The following MBIP variants were observed in gnomAD, a reference collection of about 807,000 sequenced individuals.
The protein encoded by MBIP is MAP3K12 binding inhibitory protein 1.
A neutral mutation model predicts 45.7 loss-of-function variants in MBIP; 32 were observed. The observed-to-expected ratio is 0.70, with a 90% CI of 0.53 to 0.94. The LOEUF (loss-of-function observed/expected upper bound fraction) is 0.94. MBIP is among the 40% of genes least tolerant of loss of function. The probability of loss-of-function intolerance (pLI) is 0.00; values close to 1 mark genes in which losing one functional copy is unlikely to be tolerated. For synonymous variants in MBIP, 145 were observed against 141.0 expected, an observed-to-expected ratio of 1.03 and a Z score of -0.20; for missense variants, 381 against 405.5, an observed-to-expected ratio of 0.94 and a Z score of 0.52.
rs774272761 is a variant in MBIP at position 36,311,624 on chromosome 14, C to A, written c.739G>T (p.Ala247Ser). ...NSMLRDCGNQAVEERLQNIEA... is the reference protein window; with the variant it reads ...NSMLRDCGNQSVEERLQNIEA... ...ATATTTTGTAGTCGTTCTTCTACAG[C>A]CTGATTACCACAGTCTCGAAGCATG... Residue 247 changes from alanine (A) to serine (S), a missense_variant, in exon 6 of 9, where the codon GCT becomes TCT. Transcript: ENST00000416007. 6.2e-6 allele frequency: 10 copies of A among 1,613,498 alleles called. No homozygotes were observed. The highest frequency in any genetic ancestry group is 8.5e-6 in the Non-Finnish European group (10 of 1,179,572).
intron 7 of MBIP, among the ~76,000 whole-genome samples, chr14:36,303,705 C>T (rs1437210406): frequency 6.6e-6 from 1 of 152,110 alleles, no homozygotes; most frequent in Admixed American, 6.5e-5. Context: ...TGCACACACA[C>T]ATATGAATCC....
At chr14:36,305,539 C>T (rs1308365338) in intron 7 of MBIP, among the ~76,000 whole-genome samples, 1 of 152,188 alleles carries the variant, frequency 6.6e-6, no homozygotes, top group Middle Eastern at 3.4e-3. Context: ...ATATGCCAAT[C>T]CTCTGTTTAC....
In MBIP at chr14:36,298,903, T is replaced by C. The variant is rs1004916622; in HGVS notation, c.*180A>G. The C allele has an allele frequency of 1.1e-5, 5 of 454,964 alleles. No individual in the cohort carries two copies. Among genetic ancestry groups the C allele is most frequent in the Non-Finnish European group, 1.6e-5 (4 of 255,590 alleles). The allele number at this position is 454,964 out of a possible 1,614,324, so 28.2% of individuals were successfully genotyped here. A position where few individuals can be genotyped will look rare whatever the true frequency, so the allele number is the denominator to read the frequency against. ...AACAATGCTATTTTCAATGCATTCA[T>C]TATTTCAAAACTTACTGGAATATTT... is the stretch of plus-strand genomic sequence containing the variant. On this transcript the variant is annotated 3_prime_UTR_variant, in exon 9 of 9. Coordinates refer to ENST00000416007, the MANE Select transcript of MBIP (RefSeq NM_016586.3).
intron 1 of MBIP, 56 bp from the exon 2 acceptor site, chr14:36,316,868 T>C (rs1880607109): frequency 3.3e-6 from 5 of 1,530,286 alleles, no homozygotes; most frequent in South Asian, 2.5e-5. Context: ...GCTCTACATA[T>C]GGAATTGTCA....
chr14:36,308,633 A>T (rs566713799), intron 6 of MBIP, among the ~76,000 whole-genome samples: 1 of 152,220 alleles, frequency 6.6e-6, no homozygotes, highest in African/African-American at 2.4e-5. Flanking sequence ...CTTTGACCTA[A>T]AAGAATGTAA....
In MBIP at chr14:36,313,298, A is replaced by C. The variant is rs1880327932; in HGVS notation, c.571+1214T>G. 3 of 152,152 alleles carry C rather than the reference A, an allele frequency of 2.0e-5. No homozygotes were observed. The South Asian group carries it at 6.2e-4, about 32-fold the overall frequency. 9.4% of individuals were successfully genotyped at this position (152,152 alleles called of 1,614,324 possible). A position where few individuals can be genotyped will look rare whatever the true frequency, so the allele number is the denominator to read the frequency against. The stretch of plus-strand genomic sequence containing the variant: ...CATATAGATTAACTGACCATCAGTG[A>C]GAAATTCAGCATGGTGTGAGTGTAT... On this transcript the variant is annotated intron_variant, in intron 4 of 8. Transcript: ENST00000416007.
intron 2 of MBIP, among the ~76,000 whole-genome samples, chr14:36,315,262 G>A (rs1164617373): frequency 1.3e-5 from 2 of 152,010 alleles, no homozygotes; most frequent in Non-Finnish European, 2.9e-5. Context: ...TTCAGCCTCT[G>A]GCACCAATGC....
intron 6 of MBIP, among the ~76,000 whole-genome samples, chr14:36,309,058 A>G (rs371453378): frequency 1.3e-5 from 2 of 152,202 alleles, no homozygotes; most frequent in African/African-American, 4.8e-5. Flanking sequence ...CTATGCCCAC[A>G]TGGTTCCAGC....
At chr14:36,316,317 A>G (rs1880563553) in intron 2 of MBIP, among the ~76,000 whole-genome samples, 1 of 152,130 alleles carries the variant, frequency 6.6e-6, no homozygotes, top group Non-Finnish European at 1.5e-5. Context: ...TTCTTGAACC[A>G]CTGAAAGCAC....
At chr14:36,305,056 T>C (rs974886657) in intron 7 of MBIP, 1 of 152,254 alleles carries the variant, frequency 6.6e-6, no homozygotes, top group Admixed American at 6.5e-5. Flanking sequence ...CTGTATACTT[T>C]TGAGGGATAA....
chr14:36,307,851 A>G (rs1879973238), intron 7 of MBIP, among the ~76,000 whole-genome samples: 1 of 152,208 alleles, frequency 6.6e-6, no homozygotes, highest in Non-Finnish European at 1.5e-5. Context: ...AAATGGCCTA[A>G]GTTTGAGAAT....
Position 36,308,183 on chromosome 14 carries a change from G to A in MBIP, c.797C>T (p.Pro266Leu). Residue 266 changes from proline (P) to leucine (L), a missense_variant, in exon 7 of 9, where the codon CCA becomes CTA. Physicochemically the swap from Pro to Leu is moderately conservative, Grantham distance 98. Transcript: ENST00000416007. ...TCTCTGATAAATGTCTCTTGGCACT[G>A]GACCACCTAAATACATTAAAAAAAA... ...EAHLRLQTGGPVPRDIYQRIK... is the reference protein window; with the variant it reads ...EAHLRLQTGGLVPRDIYQRIK... 1 of 1,561,728 alleles carries A rather than the reference G, an allele frequency of 6.4e-7. No homozygotes were observed. The highest frequency in any genetic ancestry group is 8.8e-7 in the Non-Finnish European group (1 of 1,141,768).
chr14:36,302,209 T>TTGGCCAGGCGTGG (rs1879601381), intron 7 of MBIP, among the ~76,000 whole-genome samples: 1 of 152,136 alleles, frequency 6.6e-6, no homozygotes, highest in Non-Finnish European at 1.5e-5. Context: ...ATAATTGCCC[T>TTGGCCAGGCGTGG]TGGCCAGGCG....
At chr14:36,306,801 TA>T (rs953556667) in intron 7 of MBIP, among the ~76,000 whole-genome samples, 5 of 152,208 alleles carry the variant, frequency 3.3e-5, no homozygotes, top group Non-Finnish European at 4.4e-5. Context: ...TAGACTACTG[TA>T]GGAAAAGTCA....
At chr14:36,320,407 C>G in intron 1 of MBIP, 53 bp downstream of exon 1, 1 of 1,611,556 alleles carries the variant, frequency 6.2e-7, no homozygotes. Flanking sequence ...AAAAGAATGG[C>G]GAGGAGGGAC....
intron 7 of MBIP, among the ~76,000 whole-genome samples, chr14:36,301,188 G>C (rs1327426040): frequency 1.3e-5 from 2 of 152,040 alleles, no homozygotes; most frequent in East Asian, 3.8e-4. Flanking sequence ...TATTGAACAA[G>C]TGAAGTGACA....
chr14:36,300,550 C>T (rs1378440556), intron 8 of MBIP, among the ~76,000 whole-genome samples: 1 of 152,128 alleles, frequency 6.6e-6, no homozygotes, highest in Non-Finnish European at 1.5e-5. Context: ...ATGACACATC[C>T]TTGTACTACT....
At chr14:36,299,997 T>C (rs1477040326) in intron 8 of MBIP, among the ~76,000 whole-genome samples, 60 of 152,142 alleles carry the variant, frequency 3.9e-4, no homozygotes, top group Non-Finnish European at 4.4e-5. Context: ...TTAGTGGTGA[T>C]GGTTGCACAA....
At chr14:36,303,153 TTAA>T (rs1347037532) in intron 7 of MBIP, among the ~76,000 whole-genome samples, 1 of 152,344 alleles carries the variant, frequency 6.6e-6, no homozygotes, top group African/African-American at 2.4e-5. Context: ...CATTTTAGAC[TTAA>T]TAATATTTTC....
Sources: allele counts gnomAD v4.1 joint callset (sites outside exome capture counted in the v4.1 genomes callset), GRCh38; gene constraint gnomAD v4.1.1; transcripts MANE v1.5; gene names NCBI Gene and HGNC (gene_info 2026-07-23, HGNC 2026-07-21).